AGBL4: variants seen among roughly 807,000 people sequenced by gnomAD.
The protein encoded by AGBL4 is AGBL carboxypeptidase 4, also known as cytosolic carboxypeptidase 6.
A neutral mutation model predicts 66.4 loss-of-function variants in AGBL4; 58 were observed. The ratio of observed to expected loss-of-function variants is 0.87; its 90% CI spans 0.71 to 1.09. AGBL4 has a LOEUF of 1.09. Ranked by LOEUF, AGBL4 falls within the 50% of genes least tolerant of loss-of-function variation. The probability of loss-of-function intolerance (pLI) is 0.00; values close to 1 mark genes in which losing one functional copy is unlikely to be tolerated. For synonymous variants in AGBL4, 234 were observed against 222.9 expected, an observed-to-expected ratio of 1.05 and a Z score of -0.44; for missense variants, 579 against 631.0, an observed-to-expected ratio of 0.92 and a Z score of 0.88.
chr1:49,696,294 T>C (rs761634953), intron 3 of AGBL4, among the ~76,000 whole-genome samples: 5 of 152,138 alleles, frequency 3.3e-5, no homozygotes, highest in Non-Finnish European at 2.9e-5. Context: ...CATACGTTTT[T>C]AGTTCCCTTT....
chr1:49,978,472 A>G (rs1658769981), intron 1 of AGBL4, among the ~76,000 whole-genome samples: 1 of 152,176 alleles, frequency 6.6e-6, no homozygotes, highest in Non-Finnish European at 1.5e-5. Flanking sequence ...AAATTATTTC[A>G]GGGTTGTTTA....
intron 2 of AGBL4, among the ~76,000 whole-genome samples, chr1:49,745,179 A>G (rs2147819880): frequency 6.6e-6 from 1 of 152,200 alleles, no homozygotes. Context: ...GAGCTCAAGT[A>G]AAAAATGCAA....
intron 5 of AGBL4, among the ~76,000 whole-genome samples, chr1:48,899,664 C>G (rs1241987715): frequency 6.6e-6 from 1 of 151,266 alleles, no homozygotes; most frequent in Non-Finnish European, 1.5e-5. Flanking sequence ...AGGCCTGCTA[C>G]AAGTCCTAGA....
chr1:49,420,836 GTGC>G (rs1645530689), intron 3 of AGBL4, among the ~76,000 whole-genome samples: 1 of 152,124 alleles, frequency 6.6e-6, no homozygotes, highest in Non-Finnish European at 1.5e-5. Flanking sequence ...AACCTAATCT[GTGC>G]CATATCCTGT....
chr1:49,258,534 T>C (rs1652770671), intron 3 of AGBL4, among the ~76,000 whole-genome samples: 1 of 152,062 alleles, frequency 6.6e-6, no homozygotes, highest in Non-Finnish European at 1.5e-5. Flanking sequence ...GCCGATGCGA[T>C]CAACTGGAAG....
chr1:49,399,174 A>C (rs1645032981), intron 3 of AGBL4, among the ~76,000 whole-genome samples: 2 of 152,134 alleles, frequency 1.3e-5, no homozygotes, highest in South Asian at 4.1e-4. Flanking sequence ...GCAAATTACA[A>C]GTTTCATTCT....
chr1:49,435,566 T>C (rs775260904), intron 3 of AGBL4, among the ~76,000 whole-genome samples: 1 of 152,194 alleles, frequency 6.6e-6, no homozygotes, highest in Non-Finnish European at 1.5e-5. Flanking sequence ...AAGAGAAACA[T>C]GTCAGAAGTC....
chr1:48,680,225 T>G (rs967785513), intron 6 of AGBL4, among the ~76,000 whole-genome samples: 1 of 152,226 alleles, frequency 6.6e-6, no homozygotes, highest in African/African-American at 2.4e-5. Context: ...ACAAATTAAA[T>G]TGAAGCACAA....
intron 6 of AGBL4, among the ~76,000 whole-genome samples, chr1:48,666,370 C>T (rs747974926): frequency 5.9e-5 from 9 of 152,070 alleles, no homozygotes; most frequent in Non-Finnish European, 1.3e-4. Flanking sequence ...CCAAGAACAA[C>T]TCATAAGAGA....
At chr1:48,958,074 G>A (rs1460149770) in intron 5 of AGBL4, among the ~76,000 whole-genome samples, 2 of 151,758 alleles carry the variant, frequency 1.3e-5, no homozygotes, top group Non-Finnish European at 2.9e-5. Flanking sequence ...TACCCAGGAT[G>A]GTCTCGATCT....
chr1:49,800,400 A>G (rs1644830950), intron 2 of AGBL4, among the ~76,000 whole-genome samples: 2 of 142,744 alleles, frequency 1.4e-5, no homozygotes, highest in African/African-American at 2.6e-5. Flanking sequence ...GTTTTAGGGT[A>G]CATGTGCACA....
intron 5 of AGBL4, among the ~76,000 whole-genome samples, chr1:49,003,422 A>C (rs1186400079): frequency 1.3e-5 from 2 of 152,158 alleles, no homozygotes; most frequent in Non-Finnish European, 2.9e-5. Context: ...CATACATACA[A>C]ATAAATAAAT....
chr1:48,737,438 C>G (rs1424883405), intron 6 of AGBL4, among the ~76,000 whole-genome samples: 1 of 152,206 alleles, frequency 6.6e-6, no homozygotes, highest in African/African-American at 2.4e-5. Flanking sequence ...AGGAGAGCAG[C>G]TGCCCTGCCA....
chr1:49,517,771 T>A (rs1183128218), intron 3 of AGBL4, among the ~76,000 whole-genome samples: 1 of 151,980 alleles, frequency 6.6e-6, no homozygotes, highest in Non-Finnish European at 1.5e-5. Context: ...ATATTCAATA[T>A]AACAATCTTT....
chr1:48,659,624 G>A (rs1319154127), intron 7 of AGBL4, among the ~76,000 whole-genome samples: 1 of 152,230 alleles, frequency 6.6e-6, no homozygotes, highest in Non-Finnish European at 1.5e-5. Context: ...CCAAGCTCCT[G>A]GCTTGCAAAG....
intron 4 of AGBL4, among the ~76,000 whole-genome samples, chr1:49,239,739 A>T (rs1231713965): frequency 1.3e-5 from 2 of 152,138 alleles, no homozygotes; most frequent in Admixed American, 6.6e-5. Flanking sequence ...CCTGTTATGT[A>T]CCAGGCATAG....
Position 49,466,494 on chromosome 1 carries a change from C to A in AGBL4, c.283-220630G>T, listed in dbSNP as rs530070469. On this transcript the variant is annotated intron_variant, in intron 3 of 13. Transcript: ENST00000371839. ...GAATGGGCCTTGCTCTAAAAAGGCC[C>A]TTCCATCTGGTGCAGTGCCGAAACC... 2.9e-4 allele frequency among the ~76,000 whole-genome samples: 44 copies of A among 151,940 alleles called. No individual in the cohort carries two copies. In the South Asian group the frequency reaches 8.7e-3, roughly 30 times the overall value.
chr1:49,727,144 G>A (rs2124702025), intron 2 of AGBL4, among the ~76,000 whole-genome samples: 1 of 152,250 alleles, frequency 6.6e-6, no homozygotes, highest in South Asian at 2.1e-4. Flanking sequence ...AGGGTGACAA[G>A]TTGAGACTTC....
intron 3 of AGBL4, among the ~76,000 whole-genome samples, chr1:49,463,938 T>C (rs1445728577): frequency 6.6e-6 from 1 of 151,814 alleles, no homozygotes; most frequent in Non-Finnish European, 1.5e-5. Flanking sequence ...GCAGAGGCTG[T>C]GGGTTGGTCT....
Sources: allele counts gnomAD v4.1 joint callset (sites outside exome capture counted in the v4.1 genomes callset), GRCh38; gene constraint gnomAD v4.1.1; transcripts MANE v1.5; gene names NCBI Gene and HGNC (gene_info 2026-07-23, HGNC 2026-07-21).